The following TBC1D1 variants were observed in gnomAD, a reference collection of about 807,000 sequenced individuals.
TBC1D1 encodes the protein TBC1 (tre-2/USP6, BUB2, cdc16) domain family, member 1.
A neutral mutation model predicts 125.6 loss-of-function variants in TBC1D1; 89 were observed. The observed-to-expected ratio is 0.71, with a 90% CI of 0.60 to 0.85. TBC1D1 has a LOEUF of 0.85. Among genes scored for constraint, TBC1D1 ranks in the 40% least tolerant of loss-of-function variants. The pLI is 0.00. For missense variants in TBC1D1, 1,377 were observed against 1,469.2 expected, an observed-to-expected ratio of 0.94 and a Z score of 1.03; for synonymous variants, 565 against 564.1, an observed-to-expected ratio of 1.00 and a Z score of -0.02.
At chr4:37,931,626 T>C (rs1723278115) in intron 2 of TBC1D1, among the ~76,000 whole-genome samples, 1 of 152,036 alleles carries the variant, frequency 6.6e-6, no homozygotes, top group South Asian at 2.1e-4. Flanking sequence ...TACAGGCACC[T>C]GCCACCACAC....
rs1332945291 is a variant in TBC1D1 at position 38,073,765 on chromosome 4, C to T, written c.2051-16167C>T. ...GGGGCAGTCAGTGAGGAAGCACTCA[C>T]TCCACAGGAGCTTGTTACGTAAGGA... On this transcript the variant is annotated intron_variant, in intron 12 of 19. Coordinates refer to ENST00000261439, the MANE Select transcript of TBC1D1 (RefSeq NM_015173.4). Among the ~76,000 whole-genome samples, 7 of 152,212 alleles carry T rather than the reference C, an allele frequency of 4.6e-5. No homozygotes were observed. In the South Asian group the frequency reaches 8.3e-4, roughly 18 times the overall value.
At chr4:38,028,190 G>C (rs1745443160) in intron 7 of TBC1D1, among the ~76,000 whole-genome samples, 1 of 151,858 alleles carries the variant, frequency 6.6e-6, no homozygotes, top group African/African-American at 2.4e-5. Context: ...TTTTTTGACA[G>C]AGTCTTGCTC....
chr4:38,134,739 T>C (rs1384788848), intron 19 of TBC1D1, among the ~76,000 whole-genome samples: 1 of 152,282 alleles, frequency 6.6e-6, no homozygotes, highest in Non-Finnish European at 1.5e-5. Context: ...GCTCCTGTGC[T>C]ATTGTTTTTG....
In TBC1D1 at chr4:38,118,131, C is replaced by G. The variant is rs757951684; in HGVS notation, c.2901C>G (p.Ala967=). 1 of 1,614,176 alleles carries G rather than the reference C, an allele frequency of 6.2e-7. No individual in the cohort carries two copies. Among genetic ancestry groups the G allele is most frequent in the East Asian group, 2.2e-5 (1 of 44,882 alleles). ...AGATCGGCCCCAGCCTCTACGCTGCCCCCTGGTTCCTCACCATGTTTGCCT... is the reference window on the plus strand; with the variant it reads ...AGATCGGCCCCAGCCTCTACGCTGCGCCCTGGTTCCTCACCATGTTTGCCT... The change falls in exon 17 of 20, where the codon GCC becomes GCG. Residue 967 remains alanine (A), a synonymous_variant. Transcript: ENST00000261439.
intron 10 of TBC1D1, among the ~76,000 whole-genome samples, chr4:38,046,884 T>C (rs1212594366): frequency 6.6e-6 from 1 of 152,174 alleles, no homozygotes; most frequent in African/African-American, 2.4e-5. Context: ...GGACTCTCTT[T>C]GGCAGTAGTG....
intron 11 of TBC1D1, among the ~76,000 whole-genome samples, chr4:38,052,319 G>A (rs1750745574): frequency 6.8e-6 from 1 of 147,720 alleles, no homozygotes; most frequent in Admixed American, 6.8e-5. Context: ...TGGCAGATTG[G>A]TTTGTGTTTG....
chr4:38,018,570 TG>T, intron 4 of TBC1D1, 127 bp downstream of exon 4: 1 of 548,984 alleles, frequency 1.8e-6, no homozygotes, highest in Non-Finnish European at 2.9e-6. Flanking sequence ...ACTTGATTTG[TG>T]TTTCGCTTTT....
intron 2 of TBC1D1, among the ~76,000 whole-genome samples, chr4:37,987,355 C>T (rs1735677939): frequency 6.6e-6 from 1 of 151,552 alleles, no homozygotes; most frequent in South Asian, 2.1e-4. Context: ...GGTACCGTGT[C>T]CTAGCTAATA....
chr4:37,943,479 G>C (rs574338039), intron 2 of TBC1D1, among the ~76,000 whole-genome samples: 1 of 152,280 alleles, frequency 6.6e-6, no homozygotes, highest in East Asian at 1.9e-4. Flanking sequence ...ACACCAATCA[G>C]ACGTAGATTT....
chr4:37,990,598 T>C (rs1281198898), intron 2 of TBC1D1, among the ~76,000 whole-genome samples: 1 of 152,228 alleles, frequency 6.6e-6, no homozygotes, highest in Admixed American at 6.5e-5. Flanking sequence ...CAGAAAAAGC[T>C]GTATTCCTGA....
At chr4:38,004,988 C>T (rs1013833902) in intron 2 of TBC1D1, among the ~76,000 whole-genome samples, 15 of 152,326 alleles carry the variant, frequency 9.8e-5, no homozygotes, top group African/African-American at 3.6e-4. Flanking sequence ...AGGGTCTGAC[C>T]TGGCTCCCTG....
intron 13 of TBC1D1, among the ~76,000 whole-genome samples, chr4:38,095,112 T>A (rs888644372): frequency 5.3e-5 from 8 of 151,992 alleles, no homozygotes; most frequent in Non-Finnish European, 8.8e-5. Flanking sequence ...GGGAAAAGAT[T>A]AAAGATGGTG....
chr4:37,977,631 G>A lies in TBC1D1; in HGVS notation c.418-36878G>A. 1 of 263,210 alleles carries A rather than the reference G, an allele frequency of 3.8e-6. No individual in the cohort carries two copies. 16.3% of individuals were successfully genotyped at this position (263,210 alleles called of 1,614,324 possible). A position where few individuals can be genotyped will look rare whatever the true frequency, so the allele number is the denominator to read the frequency against. The stretch of plus-strand genomic sequence containing the variant: ...CCGGGGCTGGGCCGGGCCGCTGGAG[G>A]CCAGGCGCGGCGGGGGGCGAGCGGC... On this transcript the variant is annotated intron_variant, in intron 2 of 19. Coordinates refer to ENST00000261439, the MANE Select transcript of TBC1D1 (RefSeq NM_015173.4). The surrounding 1 kb of genome is among the most constrained non-coding windows in gnomAD (Gnocchi z 4.3).
intron 2 of TBC1D1, chr4:37,960,854 C>A (rs1451543678): frequency 1.2e-6 from 2 of 1,614,056 alleles, no homozygotes; most frequent in Non-Finnish European, 1.7e-6. Context: ...CACACCTCCC[C>A]TTGAGTGGAG....
At chr4:38,013,710 C>T (rs988253893) in intron 2 of TBC1D1, among the ~76,000 whole-genome samples, 1 of 152,180 alleles carries the variant, frequency 6.6e-6, no homozygotes, top group Non-Finnish European at 1.5e-5. Context: ...GAGGATGTAG[C>T]AGTAGGGACA....
intron 2 of TBC1D1, among the ~76,000 whole-genome samples, chr4:38,009,665 G>A (rs1330281261): frequency 6.6e-6 from 1 of 152,160 alleles, no homozygotes; most frequent in Non-Finnish European, 1.5e-5. Flanking sequence ...ATTCACTTAT[G>A]CATGCTTCAG....
At chr4:37,902,638 T>A in intron 2 of TBC1D1, 126 bp downstream of exon 2, 1 of 777,070 alleles carries the variant, frequency 1.3e-6, no homozygotes. Context: ...ATAAATTGAT[T>A]ACTTAGCTGA....
rs1733293830 is a variant in TBC1D1 at position 37,977,224 on chromosome 4, T to C, written c.418-37285T>C. 1 of 150,970 alleles carries C rather than the reference T, an allele frequency of 6.6e-6. No homozygotes were observed. The highest frequency in any genetic ancestry group is 1.5e-5 in the Non-Finnish European group (1 of 67,580). The allele number at this position is 150,970 out of a possible 1,614,324, so 9.4% of individuals were successfully genotyped here. On this transcript the variant is annotated intron_variant, in intron 2 of 19. Transcript: ENST00000261439. The surrounding 1 kb of genome is among the most constrained non-coding windows in gnomAD (Gnocchi z 4.3). ...GAGCGCGGGGGTGGGCGGGGTCGGC[T>C]GCGCGCCCTCCCCTCCTCTCCCCTC...
At chr4:38,052,412 G>T (rs1377881088) in intron 11 of TBC1D1, among the ~76,000 whole-genome samples, 6 of 150,882 alleles carry the variant, frequency 4.0e-5, no homozygotes, top group African/African-American at 1.5e-4. Context: ...GCTCACTGCA[G>T]CTTCTGCCTT....
Sources: allele counts gnomAD v4.1 joint callset (sites outside exome capture counted in the v4.1 genomes callset), GRCh38; gene constraint gnomAD v4.1.1; non-coding constraint Gnocchi (gnomAD v3.1); transcripts MANE v1.5; gene names NCBI Gene and HGNC (gene_info 2026-07-23, HGNC 2026-07-21).